LNPK: variants seen among roughly 807,000 people sequenced by gnomAD.
LNPK encodes endoplasmic reticulum junction formation protein lunapark.
LNPK carries 29 observed loss-of-function variants against 55.2 expected under a neutral mutation model. The ratio of observed to expected loss-of-function variants is 0.53; its 90% CI spans 0.39 to 0.72. LNPK has a LOEUF of 0.72. Ranked by LOEUF, LNPK falls within the 30% of genes least tolerant of loss-of-function variation. LNPK has a pLI of 0.00. For synonymous variants in LNPK, 162 were observed against 168.2 expected (o/e 0.96, Z 0.29); for missense variants, 467 against 494.8 (o/e 0.94, Z 0.53).
chr2:175,989,108 A>G (rs910534083), intron 4 of LNPK, among the ~76,000 whole-genome samples: 4 of 152,158 alleles, frequency 2.6e-5, no homozygotes, highest in Admixed American at 2.0e-4. Flanking sequence ...GTGTATCATG[A>G]AATAAACATT....
At chr2:175,966,728 C>A (rs964749385) in intron 6 of LNPK, among the ~76,000 whole-genome samples, 1 of 152,148 alleles carries the variant, frequency 6.6e-6, no homozygotes, top group African/African-American at 2.4e-5. Context: ...ATACACTGTT[C>A]AGTGCAAAGA....
In LNPK at chr2:175,956,097, T is replaced by A. The variant is rs1000885713; in HGVS notation, c.493+8275A>T. ...GAGTTCAAGACCAGCCTGGGCAACA[T>A]AGTGAAACCCCATCTCTACAAAAAG... On this transcript the variant is annotated intron_variant, in intron 8 of 12. Coordinates refer to ENST00000272748, the MANE Select transcript of LNPK (RefSeq NM_030650.3). Among the ~76,000 whole-genome samples the A allele has an allele frequency of 2.0e-5, 3 of 151,722 alleles. No individual in the cohort carries two copies. In the East Asian group the frequency reaches 5.8e-4, roughly 29 times the overall value.
chr2:175,980,645 G>C (rs890125919), intron 4 of LNPK, among the ~76,000 whole-genome samples: 1 of 152,088 alleles, frequency 6.6e-6, no homozygotes, highest in Admixed American at 6.5e-5. Context: ...GGTGGCTCAC[G>C]CCTGTAATCC....
chr2:175,942,391 C>A (rs952738430), intron 9 of LNPK, among the ~76,000 whole-genome samples: 2 of 152,098 alleles, frequency 1.3e-5, no homozygotes, highest in African/African-American at 2.4e-5. Flanking sequence ...TATACATGTT[C>A]TTTCAAGTAA....
intron 12 of LNPK, among the ~76,000 whole-genome samples, chr2:175,931,235 T>C (rs1254317499): frequency 6.6e-6 from 1 of 152,174 alleles, no homozygotes; most frequent in Non-Finnish European, 1.5e-5. Context: ...TTTCTTACGA[T>C]ATACTACAAA....
chr2:175,936,195 G>A (rs1020583047), intron 12 of LNPK, among the ~76,000 whole-genome samples: 3 of 152,108 alleles, frequency 2.0e-5, no homozygotes, highest in Non-Finnish European at 4.4e-5. Flanking sequence ...AGTGTTGGAA[G>A]AATACAGGCC....
At chr2:175,994,384 C>A in intron 2 of LNPK, 1 of 884,588 alleles carries the variant, frequency 1.1e-6, no homozygotes, top group Non-Finnish European at 1.4e-6. Flanking sequence ...CAAGGCTGTT[C>A]CAGCAATACC....
At chr2:176,001,941 G>A (rs1292612881) in intron 1 of LNPK, among the ~76,000 whole-genome samples, 1 of 152,240 alleles carries the variant, frequency 6.6e-6, no homozygotes, top group East Asian at 1.9e-4. Context: ...CACTGCCAGT[G>A]TGCTGGGAAA....
intron 2 of LNPK, among the ~76,000 whole-genome samples, chr2:175,995,334 C>T (rs1054203602): frequency 1.3e-5 from 2 of 152,026 alleles, no homozygotes; most frequent in East Asian, 1.9e-4. Context: ...ATAATTCATA[C>T]ATCCAAGTGA....
intron 5 of LNPK, among the ~76,000 whole-genome samples, 170 bp downstream of exon 5, chr2:175,979,640 A>C (rs1181405636): frequency 1.3e-5 from 2 of 152,232 alleles, no homozygotes; most frequent in Non-Finnish European, 2.9e-5. Flanking sequence ...ACACAAATTA[A>C]AAACAGAACC....
chr2:176,001,996 G>A lies in LNPK; in HGVS notation c.-63+164C>T, dbSNP rs1462500534. 2.2e-4 allele frequency among the ~76,000 whole-genome samples: 34 copies of A among 152,232 alleles called. 1 individual carries two copies. Among genetic ancestry groups the A allele is most frequent in the Non-Finnish European group, 1.6e-4 (11 of 68,026 alleles). On this transcript the variant is annotated intron_variant, in intron 1 of 12. Transcript: ENST00000272748. ...AGCCTGGGTCTGCGCGGACCACCGCGCAGCCTGACTAGCAGCCGCCGCAGA... is the reference window on the plus strand; with the variant it reads ...AGCCTGGGTCTGCGCGGACCACCGCACAGCCTGACTAGCAGCCGCCGCAGA...
At position 175,983,574 on chromosome 2, in the gene LNPK, C is replaced by T. The variant is rs535965702; in HGVS notation, c.258-3706G>A. Among the ~76,000 whole-genome samples the T allele has an allele frequency of 2.6e-5, 4 of 152,192 alleles. No homozygotes were observed. The East Asian group carries it at 5.8e-4, about 22-fold the overall frequency. The stretch of plus-strand genomic sequence containing the variant: ...ATCAACAAATATTAAGTGGGCTAAA[C>T]TCACTAAGGTAAAAGAAAAAGACCT... On this transcript the variant is annotated intron_variant, in intron 4 of 12. Transcript: ENST00000272748.
At chr2:175,970,910 T>C in intron 5 of LNPK, 106 bp from the exon 6 acceptor site, 1 of 1,024,956 alleles carries the variant, frequency 9.8e-7, no homozygotes, top group Non-Finnish European at 1.3e-6. Context: ...TATTTTAGGA[T>C]TTTTCAAAAT....
intron 4 of LNPK, among the ~76,000 whole-genome samples, chr2:175,987,685 AAATC>A (rs1282137176): frequency 6.6e-6 from 1 of 152,168 alleles, no homozygotes; most frequent in Non-Finnish European, 1.5e-5. Context: ...AAAAAAAAAA[AAATC>A]ACTACATTCC....
intron 1 of LNPK, among the ~76,000 whole-genome samples, chr2:175,998,111 G>A (rs1010813398): frequency 3.9e-5 from 6 of 152,042 alleles, no homozygotes; most frequent in Admixed American, 3.3e-4. Flanking sequence ...AGAAATCTAA[G>A]GCAAGAGAAG....
At chr2:175,968,073 C>A (rs1271342156) in intron 6 of LNPK, among the ~76,000 whole-genome samples, 2 of 152,072 alleles carry the variant, frequency 1.3e-5, no homozygotes, top group Non-Finnish European at 2.9e-5. Flanking sequence ...TAAGAGAGTG[C>A]CATAAATGCC....
intron 5 of LNPK, among the ~76,000 whole-genome samples, chr2:175,972,127 G>A (rs1686690814): frequency 1.3e-5 from 2 of 152,068 alleles, no homozygotes; most frequent in Admixed American, 6.5e-5. Flanking sequence ...TGTTGGCCAG[G>A]ATGGTCTTGA....
intron 11 of LNPK, 61 bp downstream of exon 11, chr2:175,938,252 T>C: frequency 2.9e-6 from 3 of 1,017,040 alleles, no homozygotes; most frequent in Non-Finnish European, 4.6e-6. Flanking sequence ...GCATAGAAAA[T>C]GGCATAGAAT....
At chr2:175,945,185 C>T (rs1404007341) in intron 9 of LNPK, among the ~76,000 whole-genome samples, 2 of 150,488 alleles carry the variant, frequency 1.3e-5, no homozygotes, top group African/African-American at 2.4e-5. Flanking sequence ...AGGCGTGAGC[C>T]ACCGTGCCCG....
Sources: gnomAD v4.1 joint callset for allele counts (sites outside exome capture counted in the v4.1 genomes callset) on GRCh38, gnomAD v4.1.1 for gene constraint, MANE v1.5 for transcripts, NCBI Gene and HGNC (gene_info 2026-07-23, HGNC 2026-07-21) for gene names.